The following RYR2 variants were observed in gnomAD, a reference collection of about 807,000 sequenced individuals.
RYR2 encodes the protein ryanodine receptor 2.
Under a neutral mutation model 601.1 loss-of-function variants are expected in RYR2, and 227 were observed. That is an observed-to-expected ratio of 0.38 (90% confidence interval 0.34 to 0.42). RYR2 has a LOEUF of 0.42. Ranked by LOEUF, RYR2 falls within the 10% of genes least tolerant of loss-of-function variation. The pLI is 1.00. For missense variants in RYR2, 4,646 were observed against 6,156.5 expected, an observed-to-expected ratio of 0.75 and a Z score of 8.21; for synonymous variants, 2,223 against 2,175.1, an observed-to-expected ratio of 1.02 and a Z score of -0.61.
At chr1:237,547,842 T>G (rs77823126) in intron 25 of RYR2, among the ~76,000 whole-genome samples, 1 of 152,178 alleles carries the variant, frequency 6.6e-6, no homozygotes, top group African/African-American at 2.4e-5. Context: ...TAAAATGCAA[T>G]CAGATTTTAG....
intron 2 of RYR2, among the ~76,000 whole-genome samples, chr1:237,271,927 CA>C (rs373607969): frequency 7.3e-4 from 111 of 152,210 alleles, no homozygotes; most frequent in African/African-American, 2.5e-3. Flanking sequence ...GTCAGGAGTT[CA>C]AGACCGGTCT....
In RYR2 at chr1:237,555,699, A is replaced by G. The variant is rs970912280; in HGVS notation, c.3214+5008A>G. 5.3e-5 allele frequency among the ~76,000 whole-genome samples: 8 copies of G among 152,162 alleles called. No individual in the cohort carries two copies. In the South Asian group the frequency reaches 1.5e-3, roughly 28 times the overall value. On this transcript the variant is annotated intron_variant, in intron 27 of 104. Coordinates refer to ENST00000366574, the MANE Select transcript of RYR2 (RefSeq NM_001035.3). ...GATACTCACTGAAAATTGCAAAGAG[A>G]GAATGCCTAAGTCTGGTTGACTCAA...
intron 12 of RYR2, among the ~76,000 whole-genome samples, chr1:237,435,589 C>T (rs1707259829): frequency 6.6e-6 from 1 of 152,068 alleles, no homozygotes; most frequent in Admixed American, 6.6e-5. Flanking sequence ...TAGAGAAATT[C>T]AGTTATAGTT....
intron 21 of RYR2, among the ~76,000 whole-genome samples, chr1:237,501,742 A>G (rs1664661845): frequency 6.6e-6 from 1 of 152,234 alleles, no homozygotes; most frequent in Admixed American, 6.5e-5. Flanking sequence ...GTATTTATAC[A>G]AATTATGTTT....
At chr1:237,295,842 C>T (rs181811209) in intron 2 of RYR2, among the ~76,000 whole-genome samples, 21 of 152,222 alleles carry the variant, frequency 1.4e-4, no homozygotes, top group Non-Finnish European at 2.2e-4. Flanking sequence ...GTGTTGATGA[C>T]GTGCTAAGCA....
intron 3 of RYR2, among the ~76,000 whole-genome samples, chr1:237,344,560 G>C (rs1698129795): frequency 6.6e-6 from 1 of 152,116 alleles, no homozygotes; most frequent in Non-Finnish European, 1.5e-5. Context: ...CTCTGCAAAT[G>C]TCCAAGGAGT....
chr1:237,501,076 G>A (rs1475002297), intron 21 of RYR2, among the ~76,000 whole-genome samples, 173 bp downstream of exon 21: 3 of 152,098 alleles, frequency 2.0e-5, no homozygotes, highest in Non-Finnish European at 4.4e-5. Context: ...CACCTAAGAT[G>A]GGCATCCTGC....
rs550621500 is a variant in RYR2 at position 237,803,405 on chromosome 1, A to G, written c.14151+1489A>G. Among the ~76,000 whole-genome samples the G allele has an allele frequency of 1.7e-4, 26 of 151,534 alleles. No homozygotes were observed. The East Asian group carries it at 1.8e-3, about 10-fold the overall frequency. On this transcript the variant is annotated intron_variant, in intron 98 of 104. Transcript: ENST00000366574. ...TGCAAGCTCCGCCTCCTGGGTTCAC[A>G]CCATTCTGCCTCAGCCTCCTGAGTA...
intron 42 of RYR2, among the ~76,000 whole-genome samples, chr1:237,631,986 T>C (rs1680378368): frequency 1.3e-5 from 2 of 152,088 alleles, no homozygotes; most frequent in African/African-American, 4.8e-5. Flanking sequence ...ATGACTGTTT[T>C]TAAAGAAGAC....
At chr1:237,350,851 A>T (rs907560696) in intron 3 of RYR2, among the ~76,000 whole-genome samples, 2 of 151,878 alleles carry the variant, frequency 1.3e-5, no homozygotes, top group Non-Finnish European at 2.9e-5. Flanking sequence ...TCCTTCTCAC[A>T]GTATTACAAT....
chr1:237,197,829 T>C (rs1264477715), intron 1 of RYR2, among the ~76,000 whole-genome samples: 1 of 152,224 alleles, frequency 6.6e-6, no homozygotes, highest in Non-Finnish European at 1.5e-5. Context: ...AGCTGGAGTT[T>C]GTGGGCAGAA....
chr1:237,171,866 C>T, intron 1 of RYR2, among the ~76,000 whole-genome samples: 1 of 152,198 alleles, frequency 6.6e-6, no homozygotes, highest in East Asian at 1.9e-4. Context: ...AGGAGGTTTT[C>T]AATGGGAATA....
intron 42 of RYR2, among the ~76,000 whole-genome samples, chr1:237,632,332 T>C (rs1217874516): frequency 1.3e-5 from 2 of 152,116 alleles, no homozygotes; most frequent in East Asian, 1.9e-4. Flanking sequence ...CCAATCCAGA[T>C]TGAGATTTGA....
At chr1:237,639,275 T>A in intron 46 of RYR2, 74 bp downstream of exon 46, 1 of 1,324,394 alleles carries the variant, frequency 7.6e-7, no homozygotes, top group South Asian at 1.6e-5. Flanking sequence ...ATATTCTGCA[T>A]CCTATGAATT....
At chr1:237,397,724 C>CT (rs71561869) in intron 10 of RYR2, among the ~76,000 whole-genome samples, 42,724 of 140,910 alleles carry the variant, frequency 0.3, 7,605 homozygotes, top group African/African-American at 0.51. Context: ...AATTTGGTAT[C>CT]TTTTTTTTTT....
At chr1:237,697,465 ATATATAATATATTTATAGAAATATATAT>A (rs1278454171) in intron 63 of RYR2, among the ~76,000 whole-genome samples, 8 of 143,736 alleles carry the variant, frequency 5.6e-5, no homozygotes, top group Non-Finnish European at 1.1e-4. Context: ...ATATTATATG[ATATATAATATATTTATAGAAATATATAT>A]TATATAATAT....
intron 3 of RYR2, among the ~76,000 whole-genome samples, chr1:237,354,462 C>T (rs1034975655): frequency 2.0e-5 from 3 of 151,948 alleles, no homozygotes; most frequent in Non-Finnish European, 2.9e-5. Flanking sequence ...ACTAAATATG[C>T]ACTAAAATAG....
chr1:237,722,487 G>T (rs1015318275), intron 73 of RYR2, among the ~76,000 whole-genome samples: 3 of 149,966 alleles, frequency 2.0e-5, no homozygotes, highest in African/African-American at 7.4e-5. Flanking sequence ...AGGCTGGAGT[G>T]CAGTGGCGCG....
intron 96 of RYR2, 123 bp from the exon 97 acceptor site, chr1:237,797,914 T>G (rs1659448334): frequency 3.4e-6 from 3 of 882,146 alleles, no homozygotes; most frequent in Non-Finnish European, 5.1e-6. Context: ...ACACACTAGA[T>G]TTTAAGTGAT....
Sources: gnomAD v4.1 joint callset for allele counts (sites outside exome capture counted in the v4.1 genomes callset) on GRCh38, gnomAD v4.1.1 for gene constraint, MANE v1.5 for transcripts, NCBI Gene and HGNC (gene_info 2026-07-23, HGNC 2026-07-21) for gene names.